The following BMPR1A variants were observed in gnomAD, a reference collection of about 807,000 sequenced individuals.
BMPR1A encodes bone morphogenetic protein receptor type-1A.
Under a neutral mutation model 66.0 loss-of-function variants are expected in BMPR1A, and 7 were observed. The ratio of observed to expected loss-of-function variants is 0.11; its 90% CI spans 0.06 to 0.20. The LOEUF (loss-of-function observed/expected upper bound fraction) is 0.20, where lower values mean the gene tolerates loss of function less well. Ranked by LOEUF, BMPR1A falls within the 10% of genes least tolerant of loss-of-function variation. BMPR1A has a pLI of 1.00. For missense variants in BMPR1A, 408 were observed against 669.1 expected (o/e 0.61, Z 4.31); for synonymous variants, 200 against 229.7 (o/e 0.87, Z 1.17).
chr10:86,811,658 A>G (rs1053458893), intron 1 of BMPR1A, among the ~76,000 whole-genome samples: 1 of 152,164 alleles, frequency 6.6e-6, no homozygotes, highest in South Asian at 2.1e-4. Context: ...ACAGGCAGTC[A>G]GTATGCTATT....
At chr10:86,849,243 G>A (rs1842532529) in intron 2 of BMPR1A, among the ~76,000 whole-genome samples, 1 of 152,130 alleles carries the variant, frequency 6.6e-6, no homozygotes, top group African/African-American at 2.4e-5. Flanking sequence ...AAACTATATA[G>A]TAATGCTGTT....
chr10:86,760,189 T>TGTG (rs1554875561), intron 1 of BMPR1A, among the ~76,000 whole-genome samples: 4 of 38,672 alleles, frequency 1.0e-4, no homozygotes, highest in Admixed American at 2.6e-4. Context: ...GATTTACCTG[T>TGTG]TTTTTTTTTT....
chr10:86,931,903 C>T (rs1046597515), downstream of BMPR1A: 1 of 152,020 alleles, frequency 6.6e-6, no homozygotes, highest in Non-Finnish European at 1.5e-5. Context: ...CTAGATGTTT[C>T]TTCCATAATT....
chr10:86,911,544 G>A (rs1843485499), intron 7 of BMPR1A, among the ~76,000 whole-genome samples: 1 of 152,036 alleles, frequency 6.6e-6, no homozygotes, highest in Non-Finnish European at 1.5e-5. Flanking sequence ...TCAGGAGTTC[G>A]AGACCATCCT....
chr10:86,905,586 G>T (rs1843374049), intron 7 of BMPR1A, among the ~76,000 whole-genome samples: 1 of 152,052 alleles, frequency 6.6e-6, no homozygotes, highest in Non-Finnish European at 1.5e-5. Context: ...TGTCCCTCAT[G>T]CTTGGCACAC....
intron 1 of BMPR1A, among the ~76,000 whole-genome samples, chr10:86,799,469 T>TCTTCCTTCCTTTCTTCCTTCCTTC (rs1841775733): frequency 8.3e-5 from 10 of 120,900 alleles, no homozygotes; most frequent in African/African-American, 2.3e-4. Flanking sequence ...TTCCTTCCTT[T>TCTTCCTTCCTTTCTTCCTTCCTTC]CTTCCTTCCT....
chr10:86,799,717 A>G (rs997250355), intron 1 of BMPR1A, among the ~76,000 whole-genome samples: 1 of 151,766 alleles, frequency 6.6e-6, no homozygotes, highest in Non-Finnish European at 1.5e-5. Flanking sequence ...ACACCCAGCT[A>G]ATTTTTGTAT....
At position 86,926,317 on chromosome 10, in the gene BMPR1A, C is replaced by G. The variant is rs901137917; in HGVS notation, c.*2598C>G. The G allele has an allele frequency of 6.5e-6, 1 of 153,424 alleles. No individual in the cohort carries two copies. The highest frequency in any genetic ancestry group is 1.5e-5 in the Non-Finnish European group (1 of 68,884). 9.5% of individuals were successfully genotyped at this position (153,424 alleles called of 1,614,324 possible). A position where few individuals can be genotyped will look rare whatever the true frequency, so the allele number is the denominator to read the frequency against. On this transcript the variant is annotated 3_prime_UTR_variant, in exon 13 of 13. Transcript: ENST00000372037. ...CGGGTGGATCACAAGGTCAGGAGTT[C>G]AAGACCAGCCTGGCCAACATGGTGA...
chr10:86,832,421 G>A (rs1199578073), intron 1 of BMPR1A, among the ~76,000 whole-genome samples: 3 of 150,234 alleles, frequency 2.0e-5, no homozygotes, highest in African/African-American at 4.9e-5. Context: ...AGCTGAGTTC[G>A]TGCCATTGCA....
At chr10:86,796,607 C>T (rs1394308001) in intron 1 of BMPR1A, among the ~76,000 whole-genome samples, 1 of 151,038 alleles carries the variant, frequency 6.6e-6, no homozygotes, top group Non-Finnish European at 1.5e-5. Flanking sequence ...GACAGAATCT[C>T]TCTCTGTTGC....
intron 1 of BMPR1A, among the ~76,000 whole-genome samples, chr10:86,817,090 C>T (rs1275612633): frequency 6.6e-6 from 1 of 152,142 alleles, no homozygotes; most frequent in Non-Finnish European, 1.5e-5. Context: ...AATATACATA[C>T]CCCAAATTTA....
At chr10:86,920,153 T>C (rs1843641161) in intron 10 of BMPR1A, among the ~76,000 whole-genome samples, 1 of 152,224 alleles carries the variant, frequency 6.6e-6, no homozygotes, top group Admixed American at 6.5e-5. Flanking sequence ...TGAACATTGT[T>C]GTATTTTAAC....
intron 7 of BMPR1A, among the ~76,000 whole-genome samples, chr10:86,900,484 T>C (rs1339864829): frequency 6.6e-6 from 1 of 151,854 alleles, no homozygotes; most frequent in Non-Finnish European, 1.5e-5. Context: ...ATTGTTTGCA[T>C]GTAGCCATGA....
chr10:86,875,028 C>T (rs938090968), intron 2 of BMPR1A, among the ~76,000 whole-genome samples: 1 of 151,694 alleles, frequency 6.6e-6, no homozygotes, highest in African/African-American at 2.4e-5. Flanking sequence ...CTGCACCTGG[C>T]TCCTTTTTCT....
At chr10:86,802,006 C>T (rs1316649016) in intron 1 of BMPR1A, among the ~76,000 whole-genome samples, 1 of 151,990 alleles carries the variant, frequency 6.6e-6, no homozygotes, top group Non-Finnish European at 1.5e-5. Flanking sequence ...GAGCCACCGC[C>T]CCCCACCCTT....
chr10:86,782,553 G>T (rs183322549), intron 1 of BMPR1A, among the ~76,000 whole-genome samples: 1 of 152,086 alleles, frequency 6.6e-6, no homozygotes, highest in East Asian at 1.9e-4. Flanking sequence ...ACTGGTGTGA[G>T]GTGATACCTC....
intron 1 of BMPR1A, among the ~76,000 whole-genome samples, chr10:86,772,144 T>C (rs1258929142): frequency 6.8e-6 from 1 of 147,984 alleles, no homozygotes; most frequent in Non-Finnish European, 1.5e-5. Flanking sequence ...TTTTTTTTTT[T>C]TTTTGAGACA....
intron 1 of BMPR1A, among the ~76,000 whole-genome samples, chr10:86,771,978 TAAAC>T (rs1354754786): frequency 6.6e-6 from 1 of 152,050 alleles, no homozygotes; most frequent in Non-Finnish European, 1.5e-5. Context: ...CTTTGCATCT[TAAAC>T]AATATTAAAA....
At chr10:86,765,205 T>G (rs1468016720) in intron 1 of BMPR1A, among the ~76,000 whole-genome samples, 3 of 152,120 alleles carry the variant, frequency 2.0e-5, no homozygotes, top group African/African-American at 7.2e-5. Context: ...TATAAATCCT[T>G]GGCCAGGTGC....
Sources: gnomAD v4.1 joint callset for allele counts (sites outside exome capture counted in the v4.1 genomes callset) on GRCh38, gnomAD v4.1.1 for gene constraint, MANE v1.5 for transcripts, NCBI Gene and HGNC (gene_info 2026-07-23, HGNC 2026-07-21) for gene names.